Variants in SCN10A observed in about 807,000 individuals in gnomAD.
SCN10A encodes sodium voltage-gated channel alpha subunit 10.
SCN10A carries 162 observed loss-of-function variants against 170.7 expected under a neutral mutation model. The observed-to-expected ratio is 0.95, with a 90% CI of 0.84 to 1.08. The LOEUF is 1.08. Ranked by LOEUF, SCN10A falls within the 50% of genes least tolerant of loss-of-function variation. The pLI is 0.00. For synonymous variants in SCN10A, 985 were observed against 904.6 expected (o/e 1.09, Z -1.59); for missense variants, 2,527 against 2,436.9 (o/e 1.04, Z -0.78).
intron 27 of SCN10A, 42 bp from the exon 28 acceptor site, chr3:38,698,604 C>A: frequency 6.4e-7 from 1 of 1,573,626 alleles, no homozygotes; most frequent in Non-Finnish European, 8.7e-7. Flanking sequence ...TATCTCCAGC[C>A]ATGAGACGTG....
At chr3:38,815,761 C>T (rs200928139) in intron 1 of SCN10A, among the ~76,000 whole-genome samples, 10 of 152,234 alleles carry the variant, frequency 6.6e-5, no homozygotes, top group South Asian at 2.1e-4. Flanking sequence ...ATAAACTTGA[C>T]GTTGATGTAG....
rs566512376 is a variant in SCN10A at position 38,792,614 on chromosome 3, C to T, written c.271-446G>A. 7.1e-4 allele frequency among the ~76,000 whole-genome samples: 108 copies of T among 152,308 alleles called. No homozygotes were observed. The Middle Eastern group carries it at 0.01, about 14-fold the overall frequency. On this transcript the variant is annotated intron_variant, in intron 2 of 27. Transcript: ENST00000449082. ...CTCTTAAATCCTCTCCTGGTTTCTC[C>T]CTCTGAGGATTTAGGAGGATATGAA...
chr3:38,763,434 G>T, intron 6 of SCN10A, 71 bp downstream of exon 6: 1 of 1,185,804 alleles, frequency 8.4e-7, no homozygotes, highest in Non-Finnish European at 1.3e-6. Context: ...AACCTTACAG[G>T]GTTCTTGTGA....
In SCN10A at chr3:38,728,541, C is replaced by A; in HGVS notation, c.2640+1G>T. On this transcript the variant is annotated splice_donor_variant, in intron 16 of 27. Transcript: ENST00000449082. LOFTEE classifies it high-confidence loss of function. The stretch of plus-strand genomic sequence containing the variant: ...TGCCCCCAGCAGGGTTCACCACTCA[C>A]CACCAGGTTCCCTAGCACCATCACC... 1 of 1,575,828 alleles carries A rather than the reference C, an allele frequency of 6.3e-7. No homozygotes were observed. Among genetic ancestry groups the A allele is most frequent in the Non-Finnish European group, 8.6e-7 (1 of 1,157,424 alleles).
In SCN10A at chr3:38,742,596, A is replaced by G. The variant is rs185526823; in HGVS notation, c.1868-67T>C. 3.7e-5 allele frequency: 44 copies of G among 1,190,010 alleles called. No individual in the cohort carries two copies. In the African/African-American group the frequency reaches 6.1e-4, roughly 17 times the overall value. 73.7% of individuals were successfully genotyped at this position (1,190,010 alleles called of 1,614,324 possible). A position where few individuals can be genotyped will look rare whatever the true frequency, so the allele number is the denominator to read the frequency against. ...CACCTTGGACCCCAATTCTGCGGTCATCCTCTAGACCTTGTTGTTAATAAT... is the reference window on the plus strand; with the variant it reads ...CACCTTGGACCCCAATTCTGCGGTCGTCCTCTAGACCTTGTTGTTAATAAT... On this transcript the variant is annotated intron_variant, in intron 13 of 27. Transcript: ENST00000449082.
intron 24 of SCN10A, 142 bp from the exon 25 acceptor site, chr3:38,709,757 G>A (rs1051552596): frequency 2.8e-6 from 2 of 719,940 alleles, no homozygotes; most frequent in Non-Finnish European, 4.4e-6. Flanking sequence ...AGGGAGTGGG[G>A]AAGAATAAGC....
At chr3:38,728,206 A>C (rs2063477278) in intron 16 of SCN10A, among the ~76,000 whole-genome samples, 1 of 152,188 alleles carries the variant, frequency 6.6e-6, no homozygotes, top group Non-Finnish European at 1.5e-5. Context: ...TCTCCCAGTA[A>C]ACCCATGAGT....
intron 1 of SCN10A, among the ~76,000 whole-genome samples, chr3:38,806,297 A>G (rs1054420663): frequency 1.3e-5 from 2 of 152,136 alleles, no homozygotes; most frequent in African/African-American, 4.8e-5. Flanking sequence ...CTGAGTCTTT[A>G]CCTCCGTATC....
At position 38,767,836 on chromosome 3, in the gene SCN10A, A is replaced by C. The variant is rs564623778; in HGVS notation, c.599+3443T>G. 5.3e-5 allele frequency among the ~76,000 whole-genome samples: 8 copies of C among 152,082 alleles called. No individual in the cohort carries two copies. The South Asian group carries it at 1.7e-3, about 32-fold the overall frequency. ...TGACCTGTCTAGTGCTGTCAGTGGA[A>C]TATTGATCCCCCACTATTATTATAT... On this transcript the variant is annotated intron_variant, in intron 5 of 27. Transcript: ENST00000449082.
intron 1 of SCN10A, among the ~76,000 whole-genome samples, chr3:38,807,863 G>C (rs978844174): frequency 6.6e-6 from 1 of 151,824 alleles, no homozygotes; most frequent in Non-Finnish European, 1.5e-5. Flanking sequence ...TCACATGTGC[G>C]CCAACCACCA....
chr3:38,787,489 C>CT (rs746408560), intron 4 of SCN10A, among the ~76,000 whole-genome samples: 326 of 151,040 alleles, frequency 2.2e-3, no homozygotes, highest in Non-Finnish European at 3.7e-3. Flanking sequence ...TCTTCTTGCA[C>CT]TTTTTTTTTC....
In SCN10A at chr3:38,752,337, T is replaced by C; in HGVS notation, c.1637A>G (p.Gln546Arg). The C allele has an allele frequency of 1.2e-6, 2 of 1,613,340 alleles. No individual in the cohort carries two copies. Among genetic ancestry groups the C allele is most frequent in the South Asian group, 2.2e-5 (2 of 90,878 alleles). ...SLLLGGGAGQQGPLPRSPLPQ... is the reference protein window; with the variant it reads ...SLLLGGGAGQRGPLPRSPLPQ... ...AAGAGGGCTTCTAGGGAGGGGGCCT[T>C]GCTGGCCAGCACCCCCACCCAGCAG... Residue 546 changes from glutamine (Q) to arginine (R), a missense_variant, in exon 12 of 28, where the codon CAA becomes CGA. By Grantham distance (43) the Gln-to-Arg change is conservative. Transcript: ENST00000449082.
At chr3:38,728,922 T>C (rs1314121700) in intron 15 of SCN10A, 21 bp from the exon 16 acceptor site, 1 of 1,587,932 alleles carries the variant, frequency 6.3e-7, no homozygotes, top group Non-Finnish European at 8.6e-7. Flanking sequence ...ACAGAGACCG[T>C]CAGGTTTTGG....
chr3:38,711,615 A>G (rs2063274843), intron 23 of SCN10A, among the ~76,000 whole-genome samples: 1 of 152,236 alleles, frequency 6.6e-6, no homozygotes, highest in Admixed American at 6.5e-5. Context: ...GTAGACACTC[A>G]AGAGTAACTG....
intron 16 of SCN10A, among the ~76,000 whole-genome samples, chr3:38,728,154 T>C (rs1035170242): frequency 3.3e-5 from 5 of 152,212 alleles, no homozygotes; most frequent in African/African-American, 1.2e-4. Flanking sequence ...AGCCCAGACA[T>C]TGCATTAGGC....
chr3:38,812,531 T>C (rs901643865), intron 1 of SCN10A, among the ~76,000 whole-genome samples: 9 of 152,130 alleles, frequency 5.9e-5, no homozygotes, highest in Admixed American at 1.3e-4. Flanking sequence ...AAAAAACATA[T>C]GCAAACACCT....
intron 3 of SCN10A, among the ~76,000 whole-genome samples, chr3:38,791,027 G>A (rs958638803): frequency 2.6e-5 from 4 of 152,200 alleles, no homozygotes; most frequent in African/African-American, 9.6e-5. Context: ...ATAGATGACT[G>A]TGCCAAGGTT....
At chr3:38,766,091 T>C (rs142254865) in intron 5 of SCN10A, among the ~76,000 whole-genome samples, 4,381 of 152,194 alleles carry the variant, frequency 0.029, 90 homozygotes, top group African/African-American at 0.056. Context: ...TTTTGTATCC[T>C]GAAACTTTAC....
At chr3:38,761,512 C>T (rs1215504243) in intron 6 of SCN10A, 129 bp from the exon 7 acceptor site, 3 of 642,134 alleles carry the variant, frequency 4.7e-6, no homozygotes, top group East Asian at 6.1e-5. Flanking sequence ...CAGGGCAGTT[C>T]CAAGACCTTT....
Sources: allele counts gnomAD v4.1 joint callset (sites outside exome capture counted in the v4.1 genomes callset), GRCh38; gene constraint gnomAD v4.1.1; transcripts MANE v1.5; gene names NCBI Gene and HGNC (gene_info 2026-07-23, HGNC 2026-07-21).